LAMA2: variants seen among roughly 807,000 people sequenced by gnomAD.
LAMA2 encodes laminin subunit alpha 2.
LAMA2 carries 269 observed loss-of-function variants against 364.8 expected under a neutral mutation model. That is an observed-to-expected ratio of 0.74 (90% CI 0.67 to 0.82). The LOEUF (loss-of-function observed/expected upper bound fraction) is 0.82, where lower values mean the gene tolerates loss of function less well. Ranked by LOEUF, LAMA2 falls within the 40% of genes least tolerant of loss-of-function variation. The probability of loss-of-function intolerance (pLI) is 0.00; values close to 1 mark genes in which losing one functional copy is unlikely to be tolerated. For missense variants in LAMA2, 3,807 were observed against 3,873.2 expected (o/e 0.98, Z 0.45); for synonymous variants, 1,379 against 1,370.6 (o/e 1.01, Z -0.14).
At chr6:128,970,809 A>G (rs1011382909) in intron 1 of LAMA2, among the ~76,000 whole-genome samples, 2 of 152,206 alleles carry the variant, frequency 1.3e-5, no homozygotes, top group Non-Finnish European at 2.9e-5. Flanking sequence ...TTTTAGTGAC[A>G]TGAGTTCAAT....
At chr6:129,487,918 G>A (rs1353046824) in intron 56 of LAMA2, among the ~76,000 whole-genome samples, 1 of 152,192 alleles carries the variant, frequency 6.6e-6, no homozygotes, top group Non-Finnish European at 1.5e-5. Flanking sequence ...TTGAATCTTA[G>A]AATGCTTTAG....
chr6:128,958,444 C>A (rs553583871), intron 1 of LAMA2, among the ~76,000 whole-genome samples: 1 of 152,214 alleles, frequency 6.6e-6, no homozygotes, highest in East Asian at 1.9e-4. Flanking sequence ...ATTACTCATA[C>A]AGTCGAAACC....
In LAMA2 at chr6:129,260,033, A is replaced by G. The variant is rs144695833; in HGVS notation, c.2097-678A>G. ...TTTTTTCCAATTTTCCATTTGGCCAAACCAGCTTTTCTCTAAAATAATGAG... is the reference window on the plus strand; with the variant it reads ...TTTTTTCCAATTTTCCATTTGGCCAGACCAGCTTTTCTCTAAAATAATGAG... On this transcript the variant is annotated intron_variant, in intron 14 of 64. Transcript: ENST00000421865. 6.7e-4 allele frequency among the ~76,000 whole-genome samples: 102 copies of G among 152,274 alleles called. 1 individual carries two copies. Among genetic ancestry groups the G allele is most frequent in the African/African-American group, 2.4e-3 (100 of 41,574 alleles).
At chr6:129,396,563 A>G (rs1271786364) in intron 37 of LAMA2, among the ~76,000 whole-genome samples, 2 of 152,200 alleles carry the variant, frequency 1.3e-5, no homozygotes, top group East Asian at 3.8e-4. Context: ...GATGCAGCCA[A>G]CTAGATGGTG....
chr6:129,487,954 A>G (rs986702325), intron 56 of LAMA2, among the ~76,000 whole-genome samples: 2 of 152,192 alleles, frequency 1.3e-5, no homozygotes, highest in Non-Finnish European at 2.9e-5. Flanking sequence ...TGTCTTCTAG[A>G]TTAGATGTTA....
intron 63 of LAMA2, 80 bp downstream of exon 63, chr6:129,512,573 C>T (rs1311958836): frequency 1.7e-5 from 26 of 1,501,558 alleles, no homozygotes; most frequent in African/African-American, 2.8e-5. Flanking sequence ...GTGGGAAACT[C>T]GAATATTTTG....
chr6:129,406,829 A>G (rs1327780945), intron 40 of LAMA2, among the ~76,000 whole-genome samples: 1 of 152,148 alleles, frequency 6.6e-6, no homozygotes, highest in African/African-American at 2.4e-5. Flanking sequence ...ATGAAGTCCC[A>G]CAATAGGCCA....
At chr6:129,410,946 A>C (rs1780511244) in intron 40 of LAMA2, among the ~76,000 whole-genome samples, 1 of 152,162 alleles carries the variant, frequency 6.6e-6, no homozygotes, top group Non-Finnish European at 1.5e-5. Context: ...AGAGAAAATG[A>C]GATGAGATGT....
At chr6:128,967,729 C>T (rs138498630) in intron 1 of LAMA2, among the ~76,000 whole-genome samples, 220 of 152,254 alleles carry the variant, frequency 1.4e-3, no homozygotes, top group Middle Eastern at 0.014. Flanking sequence ...CATTCTCACC[C>T]TAGGGAAACA....
At chr6:129,052,854 TTTTC>T (rs1422079278) in intron 2 of LAMA2, among the ~76,000 whole-genome samples, 1 of 152,200 alleles carries the variant, frequency 6.6e-6, no homozygotes, top group Non-Finnish European at 1.5e-5. Context: ...ATTGTGCCTT[TTTTC>T]TTGGAGCTGG....
chr6:129,250,149 CAT>C lies in LAMA2; in HGVS notation c.1823_1824del (p.Tyr608Ter), dbSNP rs754600708. The C allele has an allele frequency of 6.2e-7, 1 of 1,609,650 alleles. No individual in the cohort carries two copies. The highest frequency in any genetic ancestry group is 1.1e-5 in the South Asian group (1 of 90,976). ...GGAGGACAGTTGACATTTACCATAT[CAT>C]ATGACCTTGAAGAAGAGGAAGAAGA... is the stretch of plus-strand genomic sequence containing the variant. On this transcript the variant is annotated frameshift_variant, in exon 13 of 65. Transcript: ENST00000421865. LOFTEE classifies it high-confidence loss of function.
chr6:129,311,410 C>T (rs998806199), intron 22 of LAMA2, among the ~76,000 whole-genome samples: 16 of 152,164 alleles, frequency 1.1e-4, no homozygotes, highest in Non-Finnish European at 1.5e-4. Flanking sequence ...CATGAGCCAC[C>T]GCGCCCGGCC....
intron 2 of LAMA2, among the ~76,000 whole-genome samples, chr6:129,052,454 C>T (rs1014791559): frequency 6.6e-6 from 1 of 151,950 alleles, no homozygotes; most frequent in Admixed American, 6.6e-5. Context: ...GGCCTTTTCT[C>T]TGTCTTTTTA....
rs200695338 is a variant in LAMA2, at chr6:129,261,403, TATA to T, written c.2208+586_2208+588del. On this transcript the variant is annotated intron_variant, in intron 15 of 64. Transcript: ENST00000421865. ...TATTGTTGTCTCAATATCCTAGATT[TATA>T]ATAAGATTAATGGTTCTTACTTAAT... Among the ~76,000 whole-genome samples the T allele has an allele frequency of 1.2e-3, 186 of 152,256 alleles. 2 individuals carry two copies. The East Asian group carries it at 0.028, about 23-fold the overall frequency.
intron 1 of LAMA2, among the ~76,000 whole-genome samples, chr6:129,030,714 A>C (rs1786162733): frequency 6.6e-6 from 1 of 152,178 alleles, no homozygotes; most frequent in South Asian, 2.1e-4. Context: ...AGAAGACCAG[A>C]TAAACTAGAA....
intron 1 of LAMA2, among the ~76,000 whole-genome samples, chr6:128,976,816 C>T (rs1782558184): frequency 6.6e-6 from 1 of 152,096 alleles, no homozygotes; most frequent in Non-Finnish European, 1.5e-5. Flanking sequence ...GTAAGTCATT[C>T]TCCAAGTGTA....
At chr6:129,205,493 T>TACACACACACACAC (rs767013359) in intron 12 of LAMA2, among the ~76,000 whole-genome samples, 1 of 104,274 alleles carries the variant, frequency 9.6e-6, no homozygotes, top group African/African-American at 5.5e-5. Context: ...TATATATATA[T>TACACACACACACAC]ACACACACAC....
chr6:129,448,824 A>G (rs1328834382), intron 45 of LAMA2, among the ~76,000 whole-genome samples: 3 of 152,236 alleles, frequency 2.0e-5, no homozygotes, highest in Non-Finnish European at 4.4e-5. Context: ...ACAATAATTG[A>G]TAGAGCCAAA....
At chr6:129,280,183 C>T in intron 18 of LAMA2, 36 bp downstream of exon 18, 5 of 1,357,438 alleles carry the variant, frequency 3.7e-6, no homozygotes, top group Non-Finnish European at 5.3e-6. Context: ...AAAATGATTT[C>T]TACCTTGGGA....
Sources: gnomAD v4.1 joint callset for allele counts (sites outside exome capture counted in the v4.1 genomes callset) on GRCh38, gnomAD v4.1.1 for gene constraint, MANE v1.5 for transcripts, NCBI Gene and HGNC (gene_info 2026-07-23, HGNC 2026-07-21) for gene names.